FOCAD: variants seen among roughly 807,000 people sequenced by gnomAD.
FOCAD encodes the protein KIAA1797.
A neutral mutation model predicts 225.6 loss-of-function variants in FOCAD; 198 were observed. The observed-to-expected ratio is 0.88, with a 90% CI of 0.78 to 0.99. The LOEUF is 0.99. Among genes scored for constraint, FOCAD ranks in the 50% least tolerant of loss-of-function variants. FOCAD has a pLI of 0.00. For synonymous variants in FOCAD, 897 were observed against 755.0 expected (o/e 1.19, Z -3.08); for missense variants, 2,713 against 2,123.6 (o/e 1.28, Z -5.46).
intron 15 of FOCAD, among the ~76,000 whole-genome samples, chr9:20,824,597 G>A (rs1824677949): frequency 6.6e-6 from 1 of 151,964 alleles, no homozygotes; most frequent in Admixed American, 6.6e-5. Flanking sequence ...ATTAACTGTG[G>A]TTAGTACTGA....
chr9:20,834,183 G>A (rs1825770436), intron 15 of FOCAD, among the ~76,000 whole-genome samples: 1 of 152,010 alleles, frequency 6.6e-6, no homozygotes, highest in Non-Finnish European at 1.5e-5. Context: ...CTTATCCTCA[G>A]TAAACTAACA....
chr9:20,944,646 G>A lies in FOCAD; in HGVS notation c.3427G>A (p.Val1143Ile), dbSNP rs755036664. 27 of 1,613,616 alleles carry A rather than the reference G, an allele frequency of 1.7e-5. No homozygotes were observed. Among genetic ancestry groups the A allele is most frequent in the Middle Eastern group, 3.3e-4 (2 of 6,078 alleles). The change falls in exon 29 of 44, where the codon GTT becomes ATT. Residue 1143 changes from valine (V) to isoleucine (I), a missense_variant. Coordinates refer to ENST00000338382, the MANE Select transcript of FOCAD (RefSeq NM_001375567.1). ...LEYNTGCILGVGLVLSLMSHS... is the reference protein window; with the variant it reads ...LEYNTGCILGIGLVLSLMSHS... ...TCCAAGCACGGGCTGTATATTGGGA[G>A]TTGGACTTGTTCTGTCCCTCATGAG...
chr9:20,804,073 A>G (rs899168043), intron 11 of FOCAD, among the ~76,000 whole-genome samples: 1 of 152,024 alleles, frequency 6.6e-6, no homozygotes, highest in East Asian at 2.0e-4. Context: ...TGTAGTAGAG[A>G]TTGCCAGAAG....
intron 2 of FOCAD, among the ~76,000 whole-genome samples, chr9:20,717,149 C>T (rs772790671): frequency 1.1e-4 from 17 of 152,162 alleles, no homozygotes; most frequent in East Asian, 5.8e-4. Context: ...ACAAGCACCA[C>T]GGTCTTAAAT....
intron 15 of FOCAD, among the ~76,000 whole-genome samples, chr9:20,834,441 G>A (rs1378203028): frequency 6.6e-6 from 1 of 151,886 alleles, no homozygotes; most frequent in Non-Finnish European, 1.5e-5. Flanking sequence ...ATGTACCTTG[G>A]AACTTAAAAG....
chr9:20,794,447 A>AG lies in FOCAD; in HGVS notation c.1455+4842dup, dbSNP rs1407494844. 2.6e-5 allele frequency among the ~76,000 whole-genome samples: 4 copies of AG among 152,328 alleles called. No individual in the cohort carries two copies. The East Asian group carries it at 7.7e-4, about 29-fold the overall frequency. ...TGAAATTGAAAAAGTGAAGACATTGAGGGTCACCTTGGTGTTCTAACAACT... is the reference window on the plus strand; with the variant it reads ...TGAAATTGAAAAAGTGAAGACATTGAGGGGTCACCTTGGTGTTCTAACAACT... On this transcript the variant is annotated intron_variant, in intron 11 of 43. Coordinates refer to ENST00000338382, the MANE Select transcript of FOCAD (RefSeq NM_001375567.1).
At chr9:20,797,315 C>T (rs901441333) in intron 11 of FOCAD, among the ~76,000 whole-genome samples, 2 of 152,058 alleles carry the variant, frequency 1.3e-5, no homozygotes, top group Non-Finnish European at 2.9e-5. Flanking sequence ...TTTTTGGTTC[C>T]GTATGAACTT....
At chr9:20,815,600 C>T (rs985536700) in intron 11 of FOCAD, among the ~76,000 whole-genome samples, 1 of 148,562 alleles carries the variant, frequency 6.7e-6, no homozygotes, top group Non-Finnish European at 1.5e-5. Flanking sequence ...GAAATCTAGT[C>T]ATAGTCTTAT....
chr9:20,778,384 A>AT (rs1270004539), intron 8 of FOCAD, among the ~76,000 whole-genome samples: 4 of 151,780 alleles, frequency 2.6e-5, no homozygotes, highest in Admixed American at 1.3e-4. Context: ...AGCCTGGCTA[A>AT]TTTTTTTGTA....
chr9:20,819,079 C>A (rs1824038571), intron 11 of FOCAD, among the ~76,000 whole-genome samples: 1 of 152,068 alleles, frequency 6.6e-6, no homozygotes, highest in Non-Finnish European at 1.5e-5. Flanking sequence ...TCCATTGGCT[C>A]CTTTATAGTA....
At chr9:20,850,121 A>C (rs1363053157) in intron 15 of FOCAD, among the ~76,000 whole-genome samples, 1 of 151,790 alleles carries the variant, frequency 6.6e-6, no homozygotes, top group East Asian at 1.9e-4. Flanking sequence ...AATTTAAAAA[A>C]ACTCTTAGTC....
At chr9:20,820,580 G>A (rs1392814077) in intron 13 of FOCAD, among the ~76,000 whole-genome samples, 155 bp downstream of exon 13, 1 of 152,122 alleles carries the variant, frequency 6.6e-6, no homozygotes, top group Non-Finnish European at 1.5e-5. Flanking sequence ...TGATGCATTT[G>A]TAATGCAGTT....
At chr9:20,717,222 T>A (rs1487879076) in intron 2 of FOCAD, among the ~76,000 whole-genome samples, 1 of 152,218 alleles carries the variant, frequency 6.6e-6, no homozygotes, top group Non-Finnish European at 1.5e-5. Context: ...TGTTTTTATT[T>A]GAGCTGTTCT....
At chr9:20,679,637 T>A (rs1822340884), upstream of FOCAD, among the ~76,000 whole-genome samples, 1 of 152,194 alleles carries the variant, frequency 6.6e-6, no homozygotes, top group Non-Finnish European at 1.5e-5. Flanking sequence ...AATGTGTGCT[T>A]ATCTAAAGGG....
chr9:20,898,093 A>G (rs34154924), intron 21 of FOCAD, among the ~76,000 whole-genome samples: 30,056 of 151,714 alleles, frequency 0.2, 3,603 homozygotes, highest in South Asian at 0.32. Flanking sequence ...TGGTAGAAAG[A>G]TGGATATAAC....
At chr9:20,752,591 G>A (rs1278698181) in intron 5 of FOCAD, among the ~76,000 whole-genome samples, 5 of 152,156 alleles carry the variant, frequency 3.3e-5, no homozygotes, top group African/African-American at 4.8e-5. Flanking sequence ...GTCAGGTGGT[G>A]TGATGCCTCC....
In FOCAD at chr9:20,948,361, C is replaced by T. The variant is rs778926582; in HGVS notation, c.3766C>T (p.Leu1256Phe). 6 of 1,612,490 alleles carry T rather than the reference C, an allele frequency of 3.7e-6. No individual in the cohort carries two copies. The highest frequency in any genetic ancestry group is 5.1e-6 in the Non-Finnish European group (6 of 1,178,892). ...AGCTGAAGACTTGGGCAGCAAACTA[C>T]TCCCTGCCTGGATCAGAATTGTTCT... ...GKAEDLGSKL[L>F]PAWIRIVLTE... The change falls in exon 31 of 44, where the codon CTC becomes TTC. Residue 1256 changes from leucine (L) to phenylalanine (F), a missense_variant. By Grantham distance (22) the Leu-to-Phe change is conservative (BLOSUM62 0). Transcript: ENST00000338382.
rs535040244 is a variant in FOCAD, at chr9:20,748,297, T to A, written c.392+7957T>A. 4.0e-5 allele frequency among the ~76,000 whole-genome samples: 6 copies of A among 151,618 alleles called. No homozygotes were observed. In the South Asian group the frequency reaches 1.0e-3, roughly 26 times the overall value. The stretch of plus-strand genomic sequence containing the variant: ...AGAACATATCATATAACTTTTTAAA[T>A]TTTTTTTTGGAAATGGTCTTTATAG... On this transcript the variant is annotated intron_variant, in intron 5 of 43. Coordinates refer to ENST00000338382, the MANE Select transcript of FOCAD (RefSeq NM_001375567.1).
At chr9:20,828,700 C>T (rs1366509508) in intron 15 of FOCAD, among the ~76,000 whole-genome samples, 1 of 152,016 alleles carries the variant, frequency 6.6e-6, no homozygotes, top group Non-Finnish European at 1.5e-5. Context: ...TAAACGTGTG[C>T]CATGGTGGTT....
Sources: allele counts gnomAD v4.1 joint callset (sites outside exome capture counted in the v4.1 genomes callset), GRCh38; gene constraint gnomAD v4.1.1; transcripts MANE v1.5; gene names NCBI Gene and HGNC (gene_info 2026-07-23, HGNC 2026-07-21).